Variants in KDM6A observed in about 807,000 individuals in gnomAD.
The protein encoded by KDM6A is lysine demethylase 6A.
In KDM6A, 11 loss-of-function variants were observed where a neutral mutation model predicts 117.6. The observed-to-expected ratio is 0.09, with a 90% CI of 0.06 to 0.15. KDM6A has a LOEUF of 0.15. Ranked by LOEUF, KDM6A falls within the 10% of genes least tolerant of loss-of-function variation. KDM6A has a pLI of 1.00. For missense variants in KDM6A, 799 were observed against 1,077.3 expected, an observed-to-expected ratio of 0.74 and a Z score of 3.62; for synonymous variants, 384 against 396.1, an observed-to-expected ratio of 0.97 and a Z score of 0.36.
In KDM6A at chrX:44,969,610, G is replaced by T. The variant is rs781045580; in HGVS notation, c.335-5056G>T. On this transcript the variant is annotated intron_variant, in intron 3 of 29. Transcript: ENST00000611820. ...TTTTTCTATTTTTAGTAGAGACAGGGTTTCACCGTGTTAGCCAGGATGGTC... is the reference window on the plus strand; with the variant it reads ...TTTTTCTATTTTTAGTAGAGACAGGTTTTCACCGTGTTAGCCAGGATGGTC... 6.3e-3 allele frequency among the ~76,000 whole-genome samples: 689 copies of T among 109,010 alleles called. 1 individual carries two copies. The highest frequency in any genetic ancestry group is 0.011 in the Non-Finnish European group (572 of 52,504). The allele number at this position is 109,010 out of a possible 115,157, so 94.7% of individuals were successfully genotyped here.
chrX:44,924,436 G>C (rs777373544), intron 2 of KDM6A, among the ~76,000 whole-genome samples: 1 of 112,315 alleles, frequency 8.9e-6, no homozygotes. Flanking sequence ...TGATGCTTTT[G>C]AGGCTTGCTT....
At chrX:44,914,100 A>T (rs1470561947) in intron 2 of KDM6A, among the ~76,000 whole-genome samples, 9 of 111,766 alleles carry the variant, frequency 8.1e-5, no homozygotes, top group South Asian at 3.7e-4. Context: ...ATTTAGTAGC[A>T]CCCTTTCTGC....
intron 8 of KDM6A, among the ~76,000 whole-genome samples, chrX:45,042,787 A>G (rs758191093): frequency 9.0e-6 from 1 of 110,930 alleles, no homozygotes; most frequent in African/African-American, 3.3e-5. Context: ...CCACTTCTCT[A>G]CATGGGAAGA....
chrX:45,007,625 T>C (rs1426273531), intron 4 of KDM6A, among the ~76,000 whole-genome samples: 1 of 112,249 alleles, frequency 8.9e-6, no homozygotes, highest in South Asian at 3.7e-4. Flanking sequence ...TAGTAAATCT[T>C]TGGGCATCTA....
intron 2 of KDM6A, among the ~76,000 whole-genome samples, chrX:44,906,062 A>C (rs2034633477): frequency 8.9e-6 from 1 of 111,869 alleles, no homozygotes; most frequent in Non-Finnish European, 1.9e-5. Context: ...TTTACTCAAA[A>C]ATCTTCTCAA....
At position 45,042,636 on chromosome X, in the gene KDM6A, T is replaced by C. The variant is rs373823290; in HGVS notation, c.654+4947T>C. Among the ~76,000 whole-genome samples, 4 of 109,887 alleles carry C rather than the reference T, an allele frequency of 3.6e-5. No homozygotes were observed. The East Asian group carries it at 1.2e-3, about 32-fold the overall frequency. On this transcript the variant is annotated intron_variant, in intron 8 of 29. Transcript: ENST00000611820. The stretch of plus-strand genomic sequence containing the variant: ...TAAACAATAGTTCAAGGGAAGTTTC[T>C]CTACTTCTCTACATAGGAAGAAGTT...
chrX:44,927,028 C>A (rs946140463), intron 2 of KDM6A, among the ~76,000 whole-genome samples: 1 of 111,460 alleles, frequency 9.0e-6, no homozygotes, highest in Non-Finnish European at 1.9e-5. Flanking sequence ...TAGTGTCTAG[C>A]TTATAATAGA....
intron 2 of KDM6A, among the ~76,000 whole-genome samples, chrX:44,931,289 C>T (rs1229167155): frequency 5.4e-5 from 6 of 110,899 alleles, no homozygotes; most frequent in East Asian, 2.8e-4. Flanking sequence ...AGGCTGGTCT[C>T]GAACTCCTGA....
chrX:45,039,503 ATTTTTTTTTTT>A (rs756202597), intron 8 of KDM6A, among the ~76,000 whole-genome samples: 6,273 of 61,229 alleles, frequency 0.1, 590 homozygotes, highest in African/African-American at 0.3. Flanking sequence ...TCATTTGATA[ATTTTTTTTTTT>A]TTTTTTTTTT....
intron 20 of KDM6A, 44 bp from the exon 21 acceptor site, chrX:45,079,102 A>G (rs2045271154): frequency 1.9e-6 from 2 of 1,040,794 alleles, no homozygotes; most frequent in Non-Finnish European, 2.7e-6. Flanking sequence ...ATATTATCCC[A>G]AATATAATTT....
Position 45,079,212 on chromosome X carries a change from C to A in KDM6A, c.3161C>A (p.Thr1054Lys). ...AATGAACATATGGTAGAAGTGAGGACACAGTTGTTGCAGCCAGCAGATGAA... is the reference window on the plus strand; with the variant it reads ...AATGAACATATGGTAGAAGTGAGGAAACAGTTGTTGCAGCCAGCAGATGAA... ...ANNEHMVEVR[T>K]QLLQPADENW... Residue 1054 changes from threonine to lysine, a missense_variant, in exon 21 of 30, where the codon ACA (threonine) becomes AAA (lysine). Physicochemically the swap from Thr to Lys is moderately conservative, Grantham distance 78. Transcript: ENST00000611820. 1 of 1,210,463 alleles carries A rather than the reference C, an allele frequency of 8.3e-7. No individual in the cohort carries two copies.
chrX:45,040,552 C>T (rs2043077819), intron 8 of KDM6A, among the ~76,000 whole-genome samples: 6 of 65,418 alleles, frequency 9.2e-5, no homozygotes, highest in African/African-American at 2.4e-4. Flanking sequence ...AGGGGCTCCT[C>T]ACTTCCCAGT....
At chrX:45,067,645 TTTTTTTTG>T (rs1226116897) in intron 17 of KDM6A, among the ~76,000 whole-genome samples, 15 of 85,821 alleles carry the variant, frequency 1.7e-4, no homozygotes, top group African/African-American at 9.4e-4. Context: ...GGTGTGTATC[TTTTTTTTG>T]TTTTTTTTTT....
chrX:45,063,750 A>G lies in KDM6A; in HGVS notation c.2012A>G (p.His671Arg), dbSNP rs1279060931. The G allele has an allele frequency of 8.3e-7, 1 of 1,205,129 alleles. No homozygotes were observed. Among genetic ancestry groups the G allele is most frequent in the African/African-American group, 1.8e-5 (1 of 57,023 alleles). Residue 671 changes from histidine (H) to arginine (R), a missense_variant, in exon 17 of 30, where the codon CAT (histidine) becomes CGT (arginine). His to Arg is a conservative substitution (Grantham distance 29). Transcript: ENST00000611820. ...CAGCGAAACGCACTCACTCTACCTC[A>G]TAACCGCACAAACCTGACCAGCAGC... ...YLQRNALTLPHNRTNLTSSAE... is the reference protein window; with the variant it reads ...YLQRNALTLPRNRTNLTSSAE...
At chrX:45,072,286 T>TAG (rs753345855) in intron 18 of KDM6A, among the ~76,000 whole-genome samples, 2 of 111,678 alleles carry the variant, frequency 1.8e-5, no homozygotes, top group Non-Finnish European at 3.8e-5. Context: ...TAATTAATCT[T>TAG]AACTGTCTTA....
intron 27 of KDM6A, among the ~76,000 whole-genome samples, chrX:45,104,750 T>C (rs2046465595): frequency 1.8e-5 from 2 of 111,952 alleles, no homozygotes; most frequent in Non-Finnish European, 1.9e-5. Context: ...AGTTTTGTTA[T>C]TCATCATCAG....
At chrX:44,895,107 TTTA>T (rs2146632116) in intron 2 of KDM6A, among the ~76,000 whole-genome samples, 1 of 97,415 alleles carries the variant, frequency 1.0e-5, no homozygotes, top group African/African-American at 4.0e-5. Context: ...TATTTATTTA[TTTA>T]TTTATTTATT....
intron 2 of KDM6A, among the ~76,000 whole-genome samples, chrX:44,930,717 G>T (rs1397313114): frequency 8.9e-6 from 1 of 112,003 alleles, no homozygotes; most frequent in East Asian, 2.8e-4. Context: ...TAAGTTGAAA[G>T]ATACGCACTT....
chrX:44,900,474 T>C (rs771439918), intron 2 of KDM6A, among the ~76,000 whole-genome samples: 1 of 112,498 alleles, frequency 8.9e-6, no homozygotes, highest in African/African-American at 3.2e-5. Context: ...TCCTTTTTTC[T>C]GTTCTTTTAA....
Sources: gnomAD v4.1 joint callset for allele counts (sites outside exome capture counted in the v4.1 genomes callset) on GRCh38, gnomAD v4.1.1 for gene constraint, MANE v1.5 for transcripts, NCBI Gene and HGNC (gene_info 2026-07-23, HGNC 2026-07-21) for gene names.